Variants in NRG3 observed in about 807,000 individuals in gnomAD.
NRG3 encodes pro-neuregulin-3, membrane-bound isoform.
In NRG3, 31 loss-of-function variants were observed where a neutral mutation model predicts 66.9. That is an observed-to-expected ratio of 0.46 (90% CI 0.35 to 0.63). The LOEUF (loss-of-function observed/expected upper bound fraction) is 0.63, where lower values mean the gene tolerates loss of function less well. Among genes scored for constraint, NRG3 ranks in the 20% least tolerant of loss-of-function variants. The pLI is 0.00. For missense variants in NRG3, 910 were observed against 878.9 expected, an observed-to-expected ratio of 1.04 and a Z score of -0.45; for synonymous variants, 393 against 359.4, an observed-to-expected ratio of 1.09 and a Z score of -1.06.
At chr10:82,005,672 A>C (rs2061351009) in intron 1 of NRG3, among the ~76,000 whole-genome samples, 1 of 152,294 alleles carries the variant, frequency 6.6e-6, no homozygotes, top group Admixed American at 6.5e-5. Context: ...TTTAAGCTAC[A>C]TGCTCTTAAC....
intron 2 of NRG3, among the ~76,000 whole-genome samples, chr10:82,438,927 A>G (rs2090291363): frequency 6.7e-6 from 1 of 149,960 alleles, no homozygotes; most frequent in Non-Finnish European, 1.5e-5. Context: ...CATGCTTATT[A>G]TGTTTTTTTT....
At chr10:82,057,181 T>C (rs754931313) in intron 1 of NRG3, among the ~76,000 whole-genome samples, 4 of 152,206 alleles carry the variant, frequency 2.6e-5, no homozygotes, top group Non-Finnish European at 4.4e-5. Context: ...TCAGATATTT[T>C]TTCAATGTAC....
chr10:82,639,635 T>A (rs996776291), intron 2 of NRG3, among the ~76,000 whole-genome samples: 7 of 152,210 alleles, frequency 4.6e-5, no homozygotes, highest in African/African-American at 1.4e-4. Context: ...TAGACTTTTT[T>A]AAAAACACTC....
chr10:82,885,844 G>A (rs1591829072), intron 4 of NRG3, among the ~76,000 whole-genome samples: 2 of 151,754 alleles, frequency 1.3e-5, no homozygotes, highest in African/African-American at 2.4e-5. Flanking sequence ...TTACAGGCGT[G>A]AGCCACCGCG....
intron 4 of NRG3, among the ~76,000 whole-genome samples, chr10:82,916,844 G>A (rs975055078): frequency 1.7e-4 from 26 of 152,174 alleles, no homozygotes; most frequent in African/African-American, 6.3e-4. Flanking sequence ...ACAAACTCCT[G>A]ACCTCAAGTG....
At chr10:82,282,018 C>T (rs570620133) in intron 1 of NRG3, among the ~76,000 whole-genome samples, 10 of 151,906 alleles carry the variant, frequency 6.6e-5, no homozygotes, top group Non-Finnish European at 1.3e-4. Flanking sequence ...CTATGTATTC[C>T]AAGCCTGTGC....
chr10:81,962,649 C>T (rs1349089545), intron 1 of NRG3, among the ~76,000 whole-genome samples: 1 of 152,180 alleles, frequency 6.6e-6, no homozygotes, highest in African/African-American at 2.4e-5. Context: ...TAGCTTTGCT[C>T]ATGAGTTTGC....
At position 81,988,998 on chromosome 10, in the gene NRG3, A is replaced by G. The variant is rs568121512; in HGVS notation, c.823+112835A>G. 4.6e-5 allele frequency among the ~76,000 whole-genome samples: 7 copies of G among 152,224 alleles called. No individual in the cohort carries two copies. The South Asian group carries it at 1.4e-3, about 32-fold the overall frequency. The stretch of plus-strand genomic sequence containing the variant: ...GTTGAAGTAACGCAAGTGAGGCATT[A>G]TAGTGGAATGGACTAGGGTGGTTAG... On this transcript the variant is annotated intron_variant, in intron 1 of 8. Coordinates refer to ENST00000372141, the MANE Select transcript of NRG3 (RefSeq NM_001010848.4).
Position 82,547,849 on chromosome 10 carries a change from C to T in NRG3, c.953+188981C>T, listed in dbSNP as rs949047705. Among the ~76,000 whole-genome samples the T allele has an allele frequency of 2.0e-5, 3 of 151,934 alleles. No homozygotes were observed. The East Asian group carries it at 5.8e-4, about 29-fold the overall frequency. On this transcript the variant is annotated intron_variant, in intron 2 of 8. Transcript: ENST00000372141. Reference sequence around the variant, plus strand: ...ATATCTAGCTATGTTTAAGTATGTACAATTAGTAACAAGAGGAGATAAAGC... The same window carrying T: ...ATATCTAGCTATGTTTAAGTATGTATAATTAGTAACAAGAGGAGATAAAGC...
At chr10:81,882,778 T>G (rs549283973) in intron 1 of NRG3, among the ~76,000 whole-genome samples, 3 of 152,190 alleles carry the variant, frequency 2.0e-5, no homozygotes, top group Non-Finnish European at 4.4e-5. Context: ...ATTATTGTTC[T>G]TATATGCCCT....
At chr10:82,403,765 G>A (rs1208887700) in intron 2 of NRG3, among the ~76,000 whole-genome samples, 1 of 152,008 alleles carries the variant, frequency 6.6e-6, no homozygotes, top group Non-Finnish European at 1.5e-5. Context: ...TGGCAGAGAG[G>A]GGTATGAACT....
At chr10:82,572,302 C>G (rs2045783985) in intron 2 of NRG3, among the ~76,000 whole-genome samples, 1 of 151,000 alleles carries the variant, frequency 6.6e-6, no homozygotes, top group Non-Finnish European at 1.5e-5. Flanking sequence ...TTGGTAAGTT[C>G]TTGGTATTTA....
At chr10:82,443,184 C>T (rs2090533171) in intron 2 of NRG3, among the ~76,000 whole-genome samples, 1 of 150,978 alleles carries the variant, frequency 6.6e-6, no homozygotes, top group South Asian at 2.1e-4. Context: ...GGGACAACTT[C>T]TGTGATGTTA....
chr10:81,948,273 C>T lies in NRG3; in HGVS notation c.823+72110C>T, dbSNP rs190529924. Among the ~76,000 whole-genome samples, 663 of 152,304 alleles carry T rather than the reference C, an allele frequency of 4.4e-3. 5 individuals carry two copies. The highest frequency in any genetic ancestry group is 0.015 in the African/African-American group (625 of 41,558). ...ATTTCCTATACAGCCCCTTCCCCTA[C>T]TCAGGCATAGCCTCACCCATTATCA... On this transcript the variant is annotated intron_variant, in intron 1 of 8. Coordinates refer to ENST00000372141, the MANE Select transcript of NRG3 (RefSeq NM_001010848.4).
At chr10:82,093,435 A>T (rs1018514159) in intron 1 of NRG3, among the ~76,000 whole-genome samples, 2 of 152,178 alleles carry the variant, frequency 1.3e-5, no homozygotes, top group Non-Finnish European at 2.9e-5. Context: ...ATTGTAGTTA[A>T]AGTTGGCAGT....
At chr10:82,352,998 G>T (rs945517315) in intron 1 of NRG3, among the ~76,000 whole-genome samples, 2 of 151,986 alleles carry the variant, frequency 1.3e-5, no homozygotes, top group Non-Finnish European at 2.9e-5. Context: ...GGTAAGATGA[G>T]ATGGAAAGAA....
chr10:82,850,340 T>C (rs74422048), intron 3 of NRG3, among the ~76,000 whole-genome samples: 2,306 of 152,242 alleles, frequency 0.015, 51 homozygotes, highest in African/African-American at 0.048. Context: ...TGATTGACAT[T>C]TCTGGTCCCC....
chr10:82,232,487 A>ATGGC, intron 1 of NRG3: 1 of 411,514 alleles, frequency 2.4e-6, no homozygotes, highest in Non-Finnish European at 4.6e-6. Flanking sequence ...TACAGTAGAG[A>ATGGC]TGGCTCTTCT....
intron 1 of NRG3, among the ~76,000 whole-genome samples, chr10:82,189,983 CAAAA>C (rs397701310): frequency 2.7e-5 from 4 of 150,622 alleles, no homozygotes; most frequent in Admixed American, 6.6e-5. Flanking sequence ...AACAAACAAA[CAAAA>C]AAAACAGAGA....
Sources: gnomAD v4.1 joint callset for allele counts (sites outside exome capture counted in the v4.1 genomes callset) on GRCh38, gnomAD v4.1.1 for gene constraint, MANE v1.5 for transcripts, NCBI Gene and HGNC (gene_info 2026-07-23, HGNC 2026-07-21) for gene names.